The following NXPH2 variants were observed in gnomAD, a reference collection of about 807,000 sequenced individuals.
The protein encoded by NXPH2 is neurexophilin-2.
In NXPH2, 5 loss-of-function variants were observed where a neutral mutation model predicts 19.8. The ratio of observed to expected loss-of-function variants is 0.25; its 90% CI spans 0.13 to 0.53. The LOEUF (loss-of-function observed/expected upper bound fraction) is 0.53, where lower values mean the gene tolerates loss of function less well. Ranked by LOEUF, NXPH2 falls within the 20% of genes least tolerant of loss-of-function variation. NXPH2 has a pLI of 0.96. For missense variants in NXPH2, 289 were observed against 322.8 expected (o/e 0.90, Z 0.80); for synonymous variants, 154 against 127.4 (o/e 1.21, Z -1.41).
At chr2:138,698,105 C>A (rs1315323929) in intron 1 of NXPH2, among the ~76,000 whole-genome samples, 1 of 152,074 alleles carries the variant, frequency 6.6e-6, no homozygotes, top group Non-Finnish European at 1.5e-5. Flanking sequence ...GTGACGAATG[C>A]ACAATGATGT....
intron 1 of NXPH2, among the ~76,000 whole-genome samples, chr2:138,683,618 C>T (rs1308557552): frequency 2.0e-5 from 3 of 152,158 alleles, no homozygotes; most frequent in Admixed American, 6.5e-5. Flanking sequence ...AGCACATACT[C>T]ACTGTGATGG....
rs956432907 is a variant in NXPH2 at position 138,698,305 on chromosome 2, G to A, written c.52-26640C>T. ...GTTAGGTTAAAATAGTTACGAAATT[G>A]TATATAAAGTACTATTTCAAGTATA... On this transcript the variant is annotated intron_variant, in intron 1 of 1. Transcript: ENST00000272641. Among the ~76,000 whole-genome samples, 3 of 152,074 alleles carry A rather than the reference G, an allele frequency of 2.0e-5. No homozygotes were observed. The South Asian group carries it at 6.2e-4, about 32-fold the overall frequency.
chr2:138,684,449 G>GTT (rs145824523), intron 1 of NXPH2, among the ~76,000 whole-genome samples: 6,258 of 152,072 alleles, frequency 0.041, 193 homozygotes, highest in Non-Finnish European at 0.06. Flanking sequence ...TCTGATAACT[G>GTT]TTAACATTTT....
chr2:138,747,091 G>A (rs1400046992), intron 1 of NXPH2, among the ~76,000 whole-genome samples: 2 of 152,088 alleles, frequency 1.3e-5, no homozygotes, highest in Admixed American at 1.3e-4. Context: ...CAAGATATTT[G>A]AACATTCTCC....
intron 1 of NXPH2, among the ~76,000 whole-genome samples, chr2:138,758,364 A>G (rs1169124670): frequency 2.6e-5 from 4 of 152,184 alleles, no homozygotes. Flanking sequence ...ATTCTGCAGA[A>G]TCACAGAATT....
chr2:138,711,217 T>C (rs1362478155), intron 1 of NXPH2, among the ~76,000 whole-genome samples: 1 of 142,084 alleles, frequency 7.0e-6, no homozygotes, highest in African/African-American at 2.6e-5. Context: ...CTTGGCTCAC[T>C]GCAACCTCCA....
chr2:138,671,527 G>C lies in NXPH2; in HGVS notation c.190C>G (p.Pro64Ala). ...SPLRLFVKQS[P>A]VPKPGPMAYA... ...GCCATGGGGCCGGGCTTGGGCACCG[G>C]AGACTGTTTAACAAACAGGCGCAGG... Residue 64 changes from proline (P) to alanine (A), a missense_variant, in exon 2 of 2, where the codon CCG becomes GCG. By Grantham distance (27) the Pro-to-Ala change is conservative (BLOSUM62 -1). Coordinates refer to ENST00000272641, the MANE Select transcript of NXPH2 (RefSeq NM_007226.3). The C allele has an allele frequency of 1.2e-6, 2 of 1,614,006 alleles. No homozygotes were observed. Among genetic ancestry groups the C allele is most frequent in the Middle Eastern group, 1.6e-4 (1 of 6,062 alleles).
At chr2:138,674,827 G>A (rs1680462100) in intron 1 of NXPH2, among the ~76,000 whole-genome samples, 1 of 152,222 alleles carries the variant, frequency 6.6e-6, no homozygotes. Context: ...GCTGCCCATA[G>A]TCTACTACCT....
intron 1 of NXPH2, among the ~76,000 whole-genome samples, chr2:138,767,346 A>T (rs1030493693): frequency 2.0e-5 from 3 of 152,246 alleles, no homozygotes; most frequent in African/African-American, 7.2e-5. Context: ...TGTGTGCCTC[A>T]TCATCCCTTT....
intron 1 of NXPH2, among the ~76,000 whole-genome samples, chr2:138,678,515 AATTTCAAT>A (rs1680521048): frequency 6.6e-6 from 1 of 151,746 alleles, no homozygotes; most frequent in South Asian, 2.1e-4. Context: ...GGAACTCCAA[AATTTCAAT>A]TTATAACTCT....
chr2:138,683,162 A>G (rs1680602441), intron 1 of NXPH2, among the ~76,000 whole-genome samples: 1 of 152,152 alleles, frequency 6.6e-6, no homozygotes, highest in African/African-American at 2.4e-5. Flanking sequence ...CAAACAAGGT[A>G]TTCTTTTGAT....
At chr2:138,708,356 A>G (rs1681048102) in intron 1 of NXPH2, among the ~76,000 whole-genome samples, 1 of 152,226 alleles carries the variant, frequency 6.6e-6, no homozygotes, top group Non-Finnish European at 1.5e-5. Flanking sequence ...TGAACATACA[A>G]TTGAGCTGGC....
intron 1 of NXPH2, among the ~76,000 whole-genome samples, chr2:138,729,165 C>T (rs1313360761): frequency 6.6e-6 from 1 of 152,086 alleles, no homozygotes; most frequent in Admixed American, 6.5e-5. Context: ...TGGCTGTGTC[C>T]CCACCCAAAT....
chr2:138,731,941 C>A (rs113361943), intron 1 of NXPH2, among the ~76,000 whole-genome samples: 7 of 152,188 alleles, frequency 4.6e-5, no homozygotes, highest in African/African-American at 1.7e-4. Flanking sequence ...TTGCCTGAAC[C>A]TTTGATCCAT....
At position 138,726,209 on chromosome 2, in the gene NXPH2, A is replaced by AT. The variant is rs372741509; in HGVS notation, c.51+53981dup. 1.1e-3 allele frequency among the ~76,000 whole-genome samples: 165 copies of AT among 151,666 alleles called. 1 individual carries two copies. The highest frequency in any genetic ancestry group is 3.8e-3 in the African/African-American group (157 of 41,338). On this transcript the variant is annotated intron_variant, in intron 1 of 1. Coordinates refer to ENST00000272641, the MANE Select transcript of NXPH2 (RefSeq NM_007226.3). ...ATGCGCCTGCCACCGTGCCCAACTA[A>AT]TTTTTTCATATTTTTAGTAGAGATG...
At chr2:138,694,900 CAT>C (rs1005545652) in intron 1 of NXPH2, among the ~76,000 whole-genome samples, 3 of 152,136 alleles carry the variant, frequency 2.0e-5, no homozygotes, top group African/African-American at 7.2e-5. Flanking sequence ...GTGTGAAAAT[CAT>C]AGAGTGTACT....
At chr2:138,700,448 A>C (rs1680902571) in intron 1 of NXPH2, among the ~76,000 whole-genome samples, 1 of 152,224 alleles carries the variant, frequency 6.6e-6, no homozygotes, top group Non-Finnish European at 1.5e-5. Flanking sequence ...AGCCACATAA[A>C]TATTTAATGA....
intron 1 of NXPH2, among the ~76,000 whole-genome samples, chr2:138,711,591 T>C (rs1681106850): frequency 6.6e-6 from 1 of 152,166 alleles, no homozygotes; most frequent in African/African-American, 2.4e-5. Context: ...TCATATACAG[T>C]GCAGATTCTT....
intron 1 of NXPH2, among the ~76,000 whole-genome samples, chr2:138,729,213 C>T (rs1681407715): frequency 6.6e-6 from 1 of 152,152 alleles, no homozygotes; most frequent in Admixed American, 6.5e-5. Flanking sequence ...CCCCACATGT[C>T]ATAGGAGGGA....
Sources: allele counts gnomAD v4.1 joint callset (sites outside exome capture counted in the v4.1 genomes callset), GRCh38; gene constraint gnomAD v4.1.1; transcripts MANE v1.5; gene names NCBI Gene and HGNC (gene_info 2026-07-23, HGNC 2026-07-21).